The following HACD2 variants were observed in gnomAD, a reference collection of about 807,000 sequenced individuals.
The protein encoded by HACD2 is 3-hydroxyacyl-CoA dehydratase 2.
A neutral mutation model predicts 31.0 loss-of-function variants in HACD2; 15 were observed. That is an observed-to-expected ratio of 0.48 (90% CI 0.32 to 0.75). The LOEUF is 0.75. Ranked by LOEUF, HACD2 falls within the 30% of genes least tolerant of loss-of-function variation. The pLI is 0.03. For missense variants in HACD2, 283 were observed against 313.0 expected (o/e 0.90, Z 0.72); for synonymous variants, 115 against 122.2 (o/e 0.94, Z 0.39).
intron 2 of HACD2, among the ~76,000 whole-genome samples, chr3:123,576,212 T>C (rs2056905975): frequency 6.6e-6 from 1 of 151,996 alleles, no homozygotes; most frequent in Non-Finnish European, 1.5e-5. Context: ...CTGTGGCTCC[T>C]TCGTGCCCTA....
chr3:123,576,474 C>T (rs1236914843), intron 2 of HACD2, among the ~76,000 whole-genome samples: 1 of 152,164 alleles, frequency 6.6e-6, no homozygotes, highest in African/African-American at 2.4e-5. Flanking sequence ...GTTTGAGAAG[C>T]TGGTTTTTCT....
intron 3 of HACD2, among the ~76,000 whole-genome samples, chr3:123,543,346 T>C (rs1208293803): frequency 6.6e-6 from 1 of 152,136 alleles, no homozygotes; most frequent in Non-Finnish European, 1.5e-5. Flanking sequence ...CCTACACACT[T>C]TCACTGGTCT....
In HACD2 at chr3:123,584,858, G is replaced by A; in HGVS notation, c.155+15C>T. 1.4e-6 allele frequency: 2 copies of A among 1,466,658 alleles called. No homozygotes were observed. Among genetic ancestry groups the A allele is most frequent in the Admixed American group, 2.5e-5 (1 of 40,362 alleles). 90.9% of individuals were successfully genotyped at this position (1,466,658 alleles called of 1,614,324 possible). A position where few individuals can be genotyped will look rare whatever the true frequency, so the allele number is the denominator to read the frequency against. On this transcript the variant is annotated intron_variant, in intron 1 of 6. Coordinates refer to ENST00000383657, the MANE Select transcript of HACD2 (RefSeq NM_198402.5). ...GGCCGCGCTGGCTCCCCGCCTCCCC[G>A]AGCCCCAGCCTCACCCGGCTGTCAT...
At chr3:123,584,072 G>A (rs1364938621) in intron 1 of HACD2, among the ~76,000 whole-genome samples, 2 of 152,204 alleles carry the variant, frequency 1.3e-5, no homozygotes, top group Non-Finnish European at 2.9e-5. Context: ...GAATTGCAGA[G>A]CTGAAGGAAC....
chr3:123,577,553 G>A (rs1340765923), intron 2 of HACD2, among the ~76,000 whole-genome samples: 4 of 151,114 alleles, frequency 2.6e-5, no homozygotes, highest in East Asian at 2.0e-4. Flanking sequence ...CCCGGGAGGC[G>A]GAGCTTGCAG....
intron 3 of HACD2, among the ~76,000 whole-genome samples, chr3:123,549,193 TA>T (rs967443630): frequency 2.0e-5 from 3 of 151,732 alleles, no homozygotes; most frequent in Non-Finnish European, 4.4e-5. Context: ...CTTAAGTCAA[TA>T]AAAAAACAAT....
Position 123,528,395 on chromosome 3 carries a change from G to T in HACD2, c.372C>A (p.Ser124Arg), listed in dbSNP as rs749651424. Reference sequence around the variant, plus strand: ...CTATATAAACACTTACCTCTTTGACGCTATGTGTTACTGCCCATATTAGAA... The same window carrying T: ...CTATATAAACACTTACCTCTTTGACTCTATGTGTTACTGCCCATATTAGAA... ...RVFLIWAVTH[S>R]VKEVQSEDSV... The change falls in exon 4 of 7, where the codon AGC becomes AGA. Residue 124 changes from serine (S) to arginine (R), a missense_variant. Physicochemically the swap from Ser to Arg is moderately radical, Grantham distance 110. Transcript: ENST00000383657. 6 of 1,600,326 alleles carry T rather than the reference G, an allele frequency of 3.7e-6. No individual in the cohort carries two copies. The highest frequency in any genetic ancestry group is 4.3e-6 in the Non-Finnish European group (5 of 1,167,602).
At chr3:123,519,845 G>T in intron 4 of HACD2, among the ~76,000 whole-genome samples, 1 of 152,178 alleles carries the variant, frequency 6.6e-6, no homozygotes, top group East Asian at 1.9e-4. Flanking sequence ...TAGTTTACAG[G>T]TAATAGTTTC....
intron 2 of HACD2, among the ~76,000 whole-genome samples, chr3:123,581,349 C>CG (rs1315432059): frequency 1.3e-5 from 2 of 152,044 alleles, no homozygotes; most frequent in Non-Finnish European, 2.9e-5. Flanking sequence ...GTCTATAGTC[C>CG]CTTGGACAGA....
At chr3:123,521,519 T>C (rs1212915022) in intron 4 of HACD2, among the ~76,000 whole-genome samples, 3 of 151,898 alleles carry the variant, frequency 2.0e-5, no homozygotes, top group Non-Finnish European at 2.9e-5. Context: ...TGCAGACTTC[T>C]GGTATAAATG....
intron 3 of HACD2, among the ~76,000 whole-genome samples, chr3:123,529,593 T>C (rs1191171912): frequency 6.6e-6 from 1 of 152,058 alleles, no homozygotes; most frequent in Non-Finnish European, 1.5e-5. Context: ...CTCGCCATGG[T>C]AGCGTACGCC....
In HACD2 at chr3:123,502,613, G is replaced by A; in HGVS notation, c.450C>T (p.Ser150=). The part of the protein sequence containing the change: ...AWTITEIIRY[S]FYTFSLLNHL... ...GGTTTAATAGACTGAATGTATAAAA[G>A]GAGTAACGGATGATTTCCGTGATCG... The change falls in exon 5 of 7, where the codon TCC becomes TCT. Residue 150 remains serine, a synonymous_variant. Transcript: ENST00000383657. 6.2e-7 allele frequency: 1 copy of A among 1,609,750 alleles called. No individual in the cohort carries two copies. The highest frequency in any genetic ancestry group is 8.5e-7 in the Non-Finnish European group (1 of 1,177,968).
At chr3:123,555,374 G>C (rs2056662508) in intron 3 of HACD2, among the ~76,000 whole-genome samples, 1 of 151,696 alleles carries the variant, frequency 6.6e-6, no homozygotes, top group Non-Finnish European at 1.5e-5. Context: ...CAAAATCCTA[G>C]AACTAATAAG....
intron 5 of HACD2, among the ~76,000 whole-genome samples, chr3:123,502,356 G>A (rs1259800676): frequency 6.6e-6 from 1 of 152,114 alleles, no homozygotes; most frequent in African/African-American, 2.4e-5. Context: ...AATAATTTAA[G>A]TAAAATATAA....
chr3:123,529,463 G>A (rs1008571472), intron 3 of HACD2, among the ~76,000 whole-genome samples: 7 of 151,170 alleles, frequency 4.6e-5, no homozygotes, highest in Non-Finnish European at 1.0e-4. Context: ...AGTGGCTCAC[G>A]CCTGTAATCC....
chr3:123,545,077 A>T (rs1438785018), intron 3 of HACD2, among the ~76,000 whole-genome samples: 1 of 143,556 alleles, frequency 7.0e-6, no homozygotes, highest in African/African-American at 2.6e-5. Flanking sequence ...AAATATAATT[A>T]TTTCTGGGTA....
chr3:123,519,332 G>C (rs1195563020), intron 4 of HACD2, among the ~76,000 whole-genome samples: 1 of 152,166 alleles, frequency 6.6e-6, no homozygotes, highest in African/African-American at 2.4e-5. Context: ...TCCTCTCTCT[G>C]GAAAATGCAG....
At chr3:123,570,058 A>ACACTGCAG (rs2056837593) in intron 2 of HACD2, among the ~76,000 whole-genome samples, 1 of 144,586 alleles carries the variant, frequency 6.9e-6, no homozygotes. Context: ...TAGCAACAGG[A>ACACTGCAG]CACTGCAGGA....
chr3:123,510,740 AGTTTAAGT>A (rs2056049832), intron 4 of HACD2, among the ~76,000 whole-genome samples: 1 of 152,146 alleles, frequency 6.6e-6, no homozygotes. Context: ...TGTATAAGTA[AGTTTAAGT>A]ACTTGCTTTC....
Sources: gnomAD v4.1 joint callset for allele counts (sites outside exome capture counted in the v4.1 genomes callset) on GRCh38, gnomAD v4.1.1 for gene constraint, MANE v1.5 for transcripts, NCBI Gene and HGNC (gene_info 2026-07-23, HGNC 2026-07-21) for gene names.